Variants in DMC1 observed in about 807,000 individuals in gnomAD.
DMC1 encodes the protein DNA meiotic recombinase 1.
In DMC1, 27 loss-of-function variants were observed where a neutral mutation model predicts 50.1. That is an observed-to-expected ratio of 0.54 (90% CI 0.40 to 0.74). The LOEUF (loss-of-function observed/expected upper bound fraction) is 0.74, where lower values mean the gene tolerates loss of function less well. Among genes scored for constraint, DMC1 ranks in the 30% least tolerant of loss-of-function variants. The pLI is 0.00. For synonymous variants in DMC1, 148 were observed against 136.1 expected (o/e 1.09, Z -0.61); for missense variants, 295 against 420.2 (o/e 0.70, Z 2.60).
the DMC1 span, among the ~76,000 whole-genome samples, chr22:38,513,893 G>A: frequency 6.6e-6 from 1 of 152,204 alleles, no homozygotes; most frequent in African/African-American, 2.4e-5. Flanking sequence ...GAGGAAAAAG[G>A]CATGTTCCTA....
chr22:38,512,135 C>G, the DMC1 span, among the ~76,000 whole-genome samples: 1 of 151,972 alleles, frequency 6.6e-6, no homozygotes, highest in Admixed American at 6.6e-5. Flanking sequence ...CCACCACACC[C>G]GGATAATTTT....
intron 8 of DMC1, chr22:38,549,658 C>A (rs1036989059): frequency 1.2e-5 from 4 of 345,426 alleles, no homozygotes; most frequent in Non-Finnish European, 1.6e-5. Flanking sequence ...TATTAAGCAA[C>A]ATCTTTAGAG....
At chr22:38,532,000 T>C (rs539029220) in intron 12 of DMC1, among the ~76,000 whole-genome samples, 5 of 152,200 alleles carry the variant, frequency 3.3e-5, no homozygotes, top group African/African-American at 1.2e-4. Flanking sequence ...GAGTGACAGT[T>C]TTGGCCTCTT....
chr22:38,550,040 CTT>C, intron 7 of DMC1, 43 bp from the exon 8 acceptor site: 3 of 1,400,890 alleles, frequency 2.1e-6, no homozygotes, highest in Non-Finnish European at 3.0e-6. Flanking sequence ...AGTGAATAAA[CTT>C]TGTACACATG....
At chr22:38,536,529 ACT>A (rs1462555046) in intron 12 of DMC1, among the ~76,000 whole-genome samples, 1 of 152,204 alleles carries the variant, frequency 6.6e-6, no homozygotes, top group Non-Finnish European at 1.5e-5. Flanking sequence ...CCTAGTGTGA[ACT>A]GAAATTCTTT....
At position 38,562,375 on chromosome 22, in the gene DMC1, G is replaced by A; in HGVS notation, c.244-6C>T. ...GCAGTCAAGAATCCTGGTTCCTACA[G>A]AAAGATAAAAGGAAATGTTCAAAAA... On this transcript the variant is annotated splice_polypyrimidine_tract_variant and splice_region_variant and intron_variant, in intron 4 of 13. Coordinates refer to ENST00000216024, the MANE Select transcript of DMC1 (RefSeq NM_007068.4). 1.9e-6 allele frequency: 3 copies of A among 1,597,640 alleles called. No homozygotes were observed. Among genetic ancestry groups the A allele is most frequent in the Non-Finnish European group, 2.6e-6 (3 of 1,165,862 alleles).
chr22:38,540,362 C>T (rs1406067146), intron 8 of DMC1, among the ~76,000 whole-genome samples: 1 of 152,050 alleles, frequency 6.6e-6, no homozygotes, highest in Non-Finnish European at 1.5e-5. Context: ...TGTTAGCTTT[C>T]TGAAATTAGC....
chr22:38,512,872 T>C, the DMC1 span, among the ~76,000 whole-genome samples: 1 of 152,080 alleles, frequency 6.6e-6, no homozygotes, highest in African/African-American at 2.4e-5. Context: ...TCACCTGAGG[T>C]CAGGAGTTCA....
intron 9 of DMC1, 61 bp from the exon 10 acceptor site, chr22:38,538,673 T>C: frequency 7.1e-7 from 1 of 1,412,936 alleles, no homozygotes; most frequent in South Asian, 1.2e-5. Flanking sequence ...GCTAAGATCA[T>C]TCATATTCTT....
intron 5 of DMC1, among the ~76,000 whole-genome samples, chr22:38,557,095 G>A (rs1328640022): frequency 2.0e-5 from 3 of 152,172 alleles, no homozygotes; most frequent in East Asian, 1.9e-4. Flanking sequence ...ATAGGTAAAC[G>A]TGTGCCATGG....
chr22:38,527,246 C>T (rs892565253), intron 12 of DMC1, among the ~76,000 whole-genome samples: 3 of 152,072 alleles, frequency 2.0e-5, no homozygotes, highest in African/African-American at 4.8e-5. Context: ...TCTCTGCCAT[C>T]CAGGCTAGAG....
At chr22:38,555,196 ACAG>A (rs2090456705) in intron 6 of DMC1, among the ~76,000 whole-genome samples, 158 bp downstream of exon 6, 1 of 152,200 alleles carries the variant, frequency 6.6e-6, no homozygotes, top group Admixed American at 6.5e-5. Context: ...TCGTTGCAGT[ACAG>A]AATGATCTCA....
chr22:38,537,599 T>C lies in DMC1; in HGVS notation c.829A>G (p.Thr277Ala). 1 of 1,613,762 alleles carries C rather than the reference T, an allele frequency of 6.2e-7. No individual in the cohort carries two copies. Among genetic ancestry groups the C allele is most frequent in the Non-Finnish European group, 8.5e-7 (1 of 1,179,676 alleles). The change falls in exon 12 of 14, where the codon ACT becomes GCT. Residue 277 changes from threonine to alanine, a missense_variant. Coordinates refer to ENST00000216024, the MANE Select transcript of DMC1 (RefSeq NM_007068.4). The stretch of plus-strand genomic sequence containing the variant: ...TAGAATATTGGGGCTTACGTCATAG[T>C]TGCTCCTGGATCGGCAGTCATTTGA... ...TNQMTADPGA[T>A]MTFQADPKKP...
chr22:38,536,918 T>C (rs1165896283), intron 12 of DMC1, among the ~76,000 whole-genome samples: 1 of 152,236 alleles, frequency 6.6e-6, no homozygotes, highest in Non-Finnish European at 1.5e-5. Flanking sequence ...TGGCATGATC[T>C]TGGCTCACTG....
chr22:38,513,192 C>T, the DMC1 span, among the ~76,000 whole-genome samples: 2 of 152,308 alleles, frequency 1.3e-5, no homozygotes, highest in African/African-American at 2.4e-5. Flanking sequence ...AGCCGGAAAC[C>T]CCAGTCTAGC....
At chr22:38,509,545 A>G in the DMC1 span, among the ~76,000 whole-genome samples, 1 of 152,178 alleles carries the variant, frequency 6.6e-6, no homozygotes, top group African/African-American at 2.4e-5. Context: ...TGTGCTTGTG[A>G]TGGTAAACCA....
chr22:38,535,163 G>A (rs190226093), intron 12 of DMC1, among the ~76,000 whole-genome samples: 1 of 151,040 alleles, frequency 6.6e-6, no homozygotes, highest in Admixed American at 6.6e-5. Context: ...GCCGGGTGTG[G>A]TGGTAGGTGC....
chr22:38,535,092 G>T (rs1374211383), intron 12 of DMC1, among the ~76,000 whole-genome samples: 1 of 151,906 alleles, frequency 6.6e-6, no homozygotes, highest in East Asian at 1.9e-4. Context: ...GAGGTCAAGA[G>T]ATAGAAACCA....
intron 5 of DMC1, 64 bp downstream of exon 5, chr22:38,562,223 G>A: frequency 6.5e-6 from 7 of 1,080,432 alleles, no homozygotes; most frequent in Non-Finnish European, 1.0e-5. Flanking sequence ...TAACCAGAAA[G>A]AGGAAAAGAA....
Sources: allele counts gnomAD v4.1 joint callset (sites outside exome capture counted in the v4.1 genomes callset), GRCh38; gene constraint gnomAD v4.1.1; transcripts MANE v1.5; gene names NCBI Gene and HGNC (gene_info 2026-07-23, HGNC 2026-07-21).